Variants in FOXO1 observed in about 807,000 individuals in gnomAD.
FOXO1 encodes forkhead box protein O1.
In FOXO1, 6 loss-of-function variants were observed where a neutral mutation model predicts 44.1. The observed-to-expected ratio is 0.14, with a 90% confidence interval of 0.07 to 0.27. FOXO1 has a LOEUF of 0.27. Among genes scored for constraint, FOXO1 ranks in the 10% least tolerant of loss-of-function variants. The pLI, the probability that FOXO1 is intolerant of heterozygous loss-of-function variation, is 1.00. For missense variants in FOXO1, 737 were observed against 888.8 expected (o/e 0.83, Z 2.17); for synonymous variants, 380 against 362.7 (o/e 1.05, Z -0.54).
chr13:40,574,830 GAA>G (rs1349492778), intron 1 of FOXO1, among the ~76,000 whole-genome samples: 1 of 151,956 alleles, frequency 6.6e-6, no homozygotes, highest in Non-Finnish European at 1.5e-5. Flanking sequence ...CCCCCAAAAA[GAA>G]AAGTTTCACA....
intron 1 of FOXO1, among the ~76,000 whole-genome samples, chr13:40,642,445 A>C (rs893917240): frequency 2.0e-5 from 3 of 152,208 alleles, no homozygotes; most frequent in African/African-American, 7.2e-5. Context: ...CACCACATAT[A>C]AATGTAAATT....
intron 1 of FOXO1, among the ~76,000 whole-genome samples, chr13:40,593,812 T>C (rs1316638450): frequency 2.0e-5 from 3 of 152,312 alleles, no homozygotes; most frequent in East Asian, 1.9e-4. Context: ...GCTCCTTAAA[T>C]AGATATTTCA....
At chr13:40,599,035 T>C (rs927708913) in intron 1 of FOXO1, among the ~76,000 whole-genome samples, 2 of 152,106 alleles carry the variant, frequency 1.3e-5, no homozygotes, top group African/African-American at 4.8e-5. Flanking sequence ...TACAATGTTT[T>C]GGGGGAAGGG....
At position 40,556,089 on chromosome 13, in the gene FOXO1, T is replaced by G. The variant is rs1873738622; in HGVS notation, c.*2960A>C. 6.6e-6 allele frequency: 1 copy of G among 152,214 alleles called. No homozygotes were observed. The highest frequency in any genetic ancestry group is 1.9e-4 in the East Asian group (1 of 5,206). The allele number at this position is 152,214 out of a possible 1,614,324, so 9.4% of individuals were successfully genotyped here. On this transcript the variant is annotated 3_prime_UTR_variant, in exon 3 of 3. Transcript: ENST00000379561. ...CCAAACTAAAACCAGAAAAGAAACT[T>G]CTCTTTTAAAATTAGTTATAAATTA...
rs55733141 is a variant in FOXO1 at position 40,584,469 on chromosome 13, C to CAAAAAAAAA, written c.631-23618_631-23610dup. Among the ~76,000 whole-genome samples the CAAAAAAAAA allele has an allele frequency of 4.6e-4, 29 of 63,114 alleles. 3 individuals carry two copies. The highest frequency in any genetic ancestry group is 6.6e-4 in the East Asian group (1 of 1,516). The allele number at this position is 63,114 out of a possible 152,430, so 41.4% of individuals were successfully genotyped here. A position where few individuals can be genotyped will look rare whatever the true frequency, so the allele number is the denominator to read the frequency against. On this transcript the variant is annotated intron_variant, in intron 1 of 2. Coordinates refer to ENST00000379561, the MANE Select transcript of FOXO1 (RefSeq NM_002015.4). ...AGAAATTCTATCTCCACAAAAAATG[C>CAAAAAAAAA]AAAAAAAAAAAAAAAAAAAAAAAAA... is the stretch of plus-strand genomic sequence containing the variant.
chr13:40,642,063 T>G (rs1877370803), intron 1 of FOXO1, among the ~76,000 whole-genome samples: 1 of 152,212 alleles, frequency 6.6e-6, no homozygotes, highest in Non-Finnish European at 1.5e-5. Flanking sequence ...ATTACTCAAC[T>G]TCGTGTCTCA....
intron 1 of FOXO1, among the ~76,000 whole-genome samples, chr13:40,613,981 C>T (rs1198379949): frequency 1.3e-5 from 2 of 152,206 alleles, no homozygotes; most frequent in Non-Finnish European, 2.9e-5. Context: ...TAGCACTCAA[C>T]CCGGTATTTT....
rs528474143 is a variant in FOXO1 at position 40,583,930 on chromosome 13, T to G, written c.631-23070A>C. 2.6e-5 allele frequency among the ~76,000 whole-genome samples: 4 copies of G among 152,342 alleles called. No individual in the cohort carries two copies. In the South Asian group the frequency reaches 6.2e-4, roughly 24 times the overall value. On this transcript the variant is annotated intron_variant, in intron 1 of 2. Coordinates refer to ENST00000379561, the MANE Select transcript of FOXO1 (RefSeq NM_002015.4). ...TTTATACATGCCTTCCTCACTAAGC[T>G]GAATCATTTCTAGCCTTTGATTTAC...
At chr13:40,659,956 C>T (rs957616453) in intron 1 of FOXO1, among the ~76,000 whole-genome samples, 1 of 152,186 alleles carries the variant, frequency 6.6e-6, no homozygotes, top group Non-Finnish European at 1.5e-5. Context: ...GTGCCACTGA[C>T]TTGATTTTTG....
At chr13:40,577,204 C>T (rs1874788191) in intron 1 of FOXO1, among the ~76,000 whole-genome samples, 1 of 150,042 alleles carries the variant, frequency 6.7e-6, no homozygotes, top group Non-Finnish European at 1.5e-5. Context: ...ACCCCCCGCC[C>T]ACATGCATAC....
intron 1 of FOXO1, among the ~76,000 whole-genome samples, chr13:40,625,033 C>G (rs1401347542): frequency 6.6e-6 from 1 of 152,042 alleles, no homozygotes; most frequent in East Asian, 1.9e-4. Flanking sequence ...AAATGTAAGT[C>G]AGTAGAAATG....
At chr13:40,630,651 CAA>C (rs377332291) in intron 1 of FOXO1, among the ~76,000 whole-genome samples, 1 of 133,088 alleles carries the variant, frequency 7.5e-6, no homozygotes. Context: ...CAAAACTTCT[CAA>C]AAAAAAAAAA....
chr13:40,642,161 G>A (rs1407081348), intron 1 of FOXO1, among the ~76,000 whole-genome samples: 5 of 152,156 alleles, frequency 3.3e-5, no homozygotes, highest in African/African-American at 1.2e-4. Flanking sequence ...AGCAGTGCCT[G>A]CCACAGTAAG....
At chr13:40,618,650 C>T (rs1876504284) in intron 1 of FOXO1, 1 of 371,550 alleles carries the variant, frequency 2.7e-6, no homozygotes, top group Admixed American at 3.1e-5. Flanking sequence ...GACAGCTCTC[C>T]AAAAAGGCAC....
At position 40,635,513 on chromosome 13, in the gene FOXO1, T is replaced by A. The variant is rs1877118439; in HGVS notation, c.630+30070A>T. Among the ~76,000 whole-genome samples, 3 of 152,202 alleles carry A rather than the reference T, an allele frequency of 2.0e-5. No individual in the cohort carries two copies. In the South Asian group the frequency reaches 6.2e-4, roughly 31 times the overall value. On this transcript the variant is annotated intron_variant, in intron 1 of 2. Transcript: ENST00000379561. Reference sequence around the variant, plus strand: ...TGAGTCAGTTTTCAAAATATCATCATCCTGGTCAGTTTTGCTTTTACTCAG... The same window carrying A: ...TGAGTCAGTTTTCAAAATATCATCAACCTGGTCAGTTTTGCTTTTACTCAG...
chr13:40,603,666 C>CTCA (rs1367014314), intron 1 of FOXO1, among the ~76,000 whole-genome samples: 1 of 152,122 alleles, frequency 6.6e-6, no homozygotes, highest in Non-Finnish European at 1.5e-5. Context: ...TCCAACTGAA[C>CTCA]CCCTTTCATA....
chr13:40,570,239 G>A (rs1200079755), intron 1 of FOXO1, among the ~76,000 whole-genome samples: 3 of 151,944 alleles, frequency 2.0e-5, no homozygotes, highest in African/African-American at 7.2e-5. Context: ...GAACTCGGGA[G>A]GCGGAGGTTG....
intron 1 of FOXO1, among the ~76,000 whole-genome samples, chr13:40,658,867 C>A (rs541310753): frequency 2.0e-5 from 3 of 152,038 alleles, no homozygotes; most frequent in Non-Finnish European, 2.9e-5. Flanking sequence ...AAAAAATTAG[C>A]CGGGCGTGGT....
Position 40,560,613 on chromosome 13 carries a change from G to A in FOXO1, c.878C>T (p.Ser293Phe). The A allele has an allele frequency of 6.2e-7, 1 of 1,614,176 alleles. No homozygotes were observed. Among genetic ancestry groups the A allele is most frequent in the Non-Finnish European group, 8.5e-7 (1 of 1,180,034 alleles). ...GAGDSPGSQF[S>F]KWPASPGSHS... Reference sequence around the variant, plus strand: ...AGAGCCAGGGCTTGCAGGCCATTTGGAAAACTGTGATCCAGGGCTGTCCCC... The same window carrying A: ...AGAGCCAGGGCTTGCAGGCCATTTGAAAAACTGTGATCCAGGGCTGTCCCC... Residue 293 changes from serine (S) to phenylalanine (F), a missense_variant, in exon 2 of 3, where the codon TCC (serine) becomes TTC (phenylalanine). This residue lies in a region of FOXO1 where 136 missense variants were observed against 186.4 expected (regional missense o/e 0.73). Coordinates refer to ENST00000379561, the MANE Select transcript of FOXO1 (RefSeq NM_002015.4). This position sits in a 1 kb window ranked among gnomAD's most constrained non-coding sequence, Gnocchi z 5.1.
Sources: gnomAD v4.1 joint callset for allele counts (sites outside exome capture counted in the v4.1 genomes callset) on GRCh38, gnomAD v4.1.1 for gene constraint, gnomAD v4.1.1 regional missense constraint, Gnocchi (gnomAD v3.1) non-coding constraint, MANE v1.5 for transcripts, NCBI Gene and HGNC (gene_info 2026-07-23, HGNC 2026-07-21) for gene names.